Variants in HHAT observed in about 807,000 individuals in gnomAD.
The protein encoded by HHAT is protein-cysteine N-palmitoyltransferase HHAT.
In HHAT, 47 loss-of-function variants were observed where a neutral mutation model predicts 70.8. That is an observed-to-expected ratio of 0.66 (90% CI 0.53 to 0.85). HHAT has a LOEUF of 0.85. Ranked by LOEUF, HHAT falls within the 40% of genes least tolerant of loss-of-function variation. HHAT has a pLI of 0.00. For missense variants in HHAT, 609 were observed against 604.8 expected (o/e 1.01, Z -0.07); for synonymous variants, 228 against 247.6 (o/e 0.92, Z 0.74).
intron 9 of HHAT, among the ~76,000 whole-genome samples, chr1:210,563,518 C>T (rs2095642761): frequency 6.6e-6 from 1 of 152,064 alleles, no homozygotes; most frequent in Non-Finnish European, 1.5e-5. Flanking sequence ...CAGGGAGAGC[C>T]TCTTCAGATC....
intron 6 of HHAT, among the ~76,000 whole-genome samples, chr1:210,412,202 G>C (rs1268831327): frequency 3.3e-5 from 5 of 152,064 alleles, no homozygotes; most frequent in Non-Finnish European, 5.9e-5. Context: ...CATTACCTTG[G>C]GGGTTAGGAT....
chr1:210,330,482 T>A (rs2084892831), intron 1 of HHAT, among the ~76,000 whole-genome samples: 1 of 152,182 alleles, frequency 6.6e-6, no homozygotes, highest in African/African-American at 2.4e-5. Context: ...CTCTTTTGGA[T>A]CAACGCCTGT....
rs558734704 is a variant in HHAT, at chr1:210,620,850, A to G, written c.1246-2676A>G. On this transcript the variant is annotated intron_variant, in intron 10 of 11. Coordinates refer to ENST00000261458, the MANE Select transcript of HHAT (RefSeq NM_018194.6). ...TTTAGTTGCCCCCCCTCTCCTTCCT[A>G]TCTCTGAGATCAGCAGCTCCTTCAC... is the stretch of plus-strand genomic sequence containing the variant. Among the ~76,000 whole-genome samples, 5 of 149,774 alleles carry G rather than the reference A, an allele frequency of 3.3e-5. No homozygotes were observed. In the South Asian group the frequency reaches 1.1e-3, roughly 32 times the overall value.
At chr1:210,360,827 GA>G (rs1190957228) in intron 2 of HHAT, among the ~76,000 whole-genome samples, 1 of 144,494 alleles carries the variant, frequency 6.9e-6, no homozygotes, top group Non-Finnish European at 1.5e-5. Flanking sequence ...GGATATATTG[GA>G]ATAAATAATT....
chr1:210,392,123 C>T (rs2148162494), intron 4 of HHAT, among the ~76,000 whole-genome samples: 1 of 152,324 alleles, frequency 6.6e-6, no homozygotes, highest in South Asian at 2.1e-4. Flanking sequence ...CCCATTTCAG[C>T]ATCCCAAAGT....
intron 11 of HHAT, among the ~76,000 whole-genome samples, chr1:210,635,570 A>G (rs1573904273): frequency 6.6e-6 from 1 of 152,202 alleles, no homozygotes; most frequent in East Asian, 1.9e-4. Context: ...GCATCAAAGG[A>G]CAGAAAAGAT....
At chr1:210,564,718 AATAG>A (rs1352579772) in intron 9 of HHAT, among the ~76,000 whole-genome samples, 5 of 152,158 alleles carry the variant, frequency 3.3e-5, no homozygotes, top group African/African-American at 1.2e-4. Context: ...TGCACAATGT[AATAG>A]ATAGGACAAA....
At chr1:210,350,087 T>C (rs899269523) in intron 2 of HHAT, among the ~76,000 whole-genome samples, 3 of 152,246 alleles carry the variant, frequency 2.0e-5, no homozygotes, top group African/African-American at 7.2e-5. Flanking sequence ...CATTAAGTCT[T>C]GAAGTTGGAT....
At chr1:210,623,730 G>C in intron 11 of HHAT, 60 bp downstream of exon 11, 1 of 1,525,918 alleles carries the variant, frequency 6.6e-7, no homozygotes, top group South Asian at 1.2e-5. Flanking sequence ...ATGCGGATGG[G>C]ATCATACATG....
chr1:210,344,060 C>G (rs1338288), intron 1 of HHAT, among the ~76,000 whole-genome samples: 1 of 152,048 alleles, frequency 6.6e-6, no homozygotes, highest in Non-Finnish European at 1.5e-5. Context: ...TCTCCCTGCA[C>G]CAGCCCACCC....
intron 3 of HHAT, among the ~76,000 whole-genome samples, chr1:210,382,724 A>G (rs1246024245): frequency 7.9e-5 from 12 of 152,212 alleles, no homozygotes; most frequent in Non-Finnish European, 5.9e-5. Flanking sequence ...GAATTGTACC[A>G]TTTAGTGAGT....
At chr1:210,526,894 C>G (rs569459758) in intron 9 of HHAT, among the ~76,000 whole-genome samples, 3 of 152,078 alleles carry the variant, frequency 2.0e-5, no homozygotes, top group Non-Finnish European at 4.4e-5. Flanking sequence ...TCTCTGCCTC[C>G]CAGTTTCCAG....
chr1:210,407,105 G>A (rs1359016760), intron 6 of HHAT, among the ~76,000 whole-genome samples: 1 of 152,136 alleles, frequency 6.6e-6, no homozygotes, highest in Non-Finnish European at 1.5e-5. Context: ...GTGGCTGTGG[G>A]GAACTTCCCT....
chr1:210,366,819 G>A (rs914612908), intron 3 of HHAT, among the ~76,000 whole-genome samples: 1 of 152,052 alleles, frequency 6.6e-6, no homozygotes, highest in African/African-American at 2.4e-5. Context: ...CTGGATTGGG[G>A]CTCACGCCTT....
chr1:210,375,438 T>C (rs978345717), intron 3 of HHAT, among the ~76,000 whole-genome samples: 1 of 152,184 alleles, frequency 6.6e-6, no homozygotes, highest in Non-Finnish European at 1.5e-5. Flanking sequence ...ACTCCCACTT[T>C]CTTTTGATTC....
At chr1:210,581,661 G>A (rs113125637) in intron 9 of HHAT, among the ~76,000 whole-genome samples, 1 of 152,164 alleles carries the variant, frequency 6.6e-6, no homozygotes, top group African/African-American at 2.4e-5. Flanking sequence ...ACTTTAGTAG[G>A]GTAATTAGGA....
At chr1:210,507,024 T>C (rs2094867780) in intron 8 of HHAT, among the ~76,000 whole-genome samples, 1 of 152,218 alleles carries the variant, frequency 6.6e-6, no homozygotes, top group Non-Finnish European at 1.5e-5. Flanking sequence ...ATTTCCAGTA[T>C]CTAGCACAGA....
chr1:210,508,235 T>C (rs947623010), intron 8 of HHAT, among the ~76,000 whole-genome samples: 2 of 147,214 alleles, frequency 1.4e-5, no homozygotes, highest in African/African-American at 2.5e-5. Flanking sequence ...CATCACTTCG[T>C]ACCCCATAAA....
intron 8 of HHAT, among the ~76,000 whole-genome samples, chr1:210,480,105 T>C (rs1197460014): frequency 6.6e-6 from 1 of 152,216 alleles, no homozygotes; most frequent in Admixed American, 6.5e-5. Context: ...TGTGTGTGTA[T>C]GTGTGTCTTT....
Sources: allele counts gnomAD v4.1 joint callset (sites outside exome capture counted in the v4.1 genomes callset), GRCh38; gene constraint gnomAD v4.1.1; transcripts MANE v1.5; gene names NCBI Gene and HGNC (gene_info 2026-07-23, HGNC 2026-07-21).